PDE11A: variants seen among roughly 807,000 people sequenced by gnomAD.
The protein encoded by PDE11A is dual 3',5'-cyclic-AMP and -GMP phosphodiesterase 11A.
Under a neutral mutation model 100.5 loss-of-function variants are expected in PDE11A, and 100 were observed. The observed-to-expected ratio is 1.00, with a 90% CI of 0.85 to 1.18. The LOEUF (loss-of-function observed/expected upper bound fraction) is 1.18, where lower values mean the gene tolerates loss of function less well. PDE11A is among the 50% of genes most tolerant of loss of function. The pLI, the probability that PDE11A is intolerant of heterozygous loss-of-function variation, is 0.00. For missense variants in PDE11A, 1,141 were observed against 1,152.6 expected (o/e 0.99, Z 0.15); for synonymous variants, 381 against 420.8 (o/e 0.91, Z 1.16).
intron 2 of PDE11A, among the ~76,000 whole-genome samples, chr2:177,992,590 G>A (rs2086017707): frequency 6.6e-6 from 1 of 151,948 alleles, no homozygotes; most frequent in Admixed American, 6.6e-5. Flanking sequence ...TATTCCAATG[G>A]TTCTCTTTAT....
At chr2:177,632,182 G>A (rs2079961324) in intron 19 of PDE11A, among the ~76,000 whole-genome samples, 1 of 152,176 alleles carries the variant, frequency 6.6e-6, no homozygotes, top group Non-Finnish European at 1.5e-5. Flanking sequence ...GAGTCAAGAA[G>A]AAAAACCAAG....
intron 4 of PDE11A, among the ~76,000 whole-genome samples, chr2:177,886,943 T>C (rs2084442918): frequency 6.6e-6 from 1 of 152,144 alleles, no homozygotes; most frequent in African/African-American, 2.4e-5. Context: ...CCTGCTGAAC[T>C]CCAAGTCCAG....
chr2:177,938,192 AG>A (rs1206911502), intron 2 of PDE11A, among the ~76,000 whole-genome samples: 1 of 152,226 alleles, frequency 6.6e-6, no homozygotes, highest in Non-Finnish European at 1.5e-5. Context: ...TAAGAGACAG[AG>A]TTTAGGGGAC....
intron 6 of PDE11A, among the ~76,000 whole-genome samples, chr2:177,825,145 T>G (rs573629353): frequency 6.6e-6 from 1 of 152,182 alleles, no homozygotes; most frequent in East Asian, 1.9e-4. Context: ...GCAAAAATGG[T>G]CAAGGGAAGA....
At chr2:178,073,016 C>A, upstream of PDE11A, 1 of 985,372 alleles carries the variant, frequency 1.0e-6, no homozygotes, top group Non-Finnish European at 1.2e-6. Flanking sequence ...TCCTTCCCCG[C>A]TTCTTGCTCC....
chr2:177,951,657 A>T (rs2695758), intron 2 of PDE11A, among the ~76,000 whole-genome samples: 4,145 of 152,270 alleles, frequency 0.027, 165 homozygotes, highest in African/African-American at 0.094. Flanking sequence ...AGGGCAATGC[A>T]AGTGGGATAT....
intron 5 of PDE11A, among the ~76,000 whole-genome samples, chr2:177,843,753 G>A (rs376580171): frequency 1.3e-5 from 2 of 152,316 alleles, no homozygotes; most frequent in South Asian, 4.1e-4. Context: ...CTGGGGAGAT[G>A]AGAAATAAAC....
At chr2:178,073,085 G>A, upstream of PDE11A, 1 of 985,320 alleles carries the variant, frequency 1.0e-6, no homozygotes, top group Non-Finnish European at 1.2e-6. Context: ...GTTTCGAGGA[G>A]GCCCAGCGGG....
intron 13 of PDE11A, among the ~76,000 whole-genome samples, chr2:177,705,611 TGTAAATG>T (rs1458503164): frequency 1.3e-5 from 2 of 152,202 alleles, no homozygotes; most frequent in African/African-American, 2.4e-5. Context: ...TGTGTGCAAA[TGTAAATG>T]TACCTTCATA....
chr2:177,674,515 CT>C (rs1263844934), intron 17 of PDE11A, among the ~76,000 whole-genome samples: 2 of 152,194 alleles, frequency 1.3e-5, no homozygotes, highest in Non-Finnish European at 2.9e-5. Context: ...TAATTTCCCC[CT>C]GCTCCCTCTT....
intron 10 of PDE11A, among the ~76,000 whole-genome samples, chr2:177,762,072 G>A (rs561632112): frequency 3.8e-4 from 58 of 152,276 alleles, no homozygotes; most frequent in African/African-American, 1.4e-3. Context: ...AGGAGAATGA[G>A]GATCTGAACT....
chr2:177,970,096 T>C (rs1396720407), intron 2 of PDE11A, among the ~76,000 whole-genome samples: 9 of 152,158 alleles, frequency 5.9e-5, no homozygotes. Flanking sequence ...GTACTGTAAA[T>C]GGCAAAAATT....
chr2:177,904,267 T>G (rs372844542), intron 3 of PDE11A, among the ~76,000 whole-genome samples: 1 of 152,228 alleles, frequency 6.6e-6, no homozygotes, highest in Non-Finnish European at 1.5e-5. Flanking sequence ...AAAAGAGCTC[T>G]CTAAGTGTTT....
intron 9 of PDE11A, among the ~76,000 whole-genome samples, chr2:177,773,287 G>C (rs754483866): frequency 6.6e-6 from 1 of 152,172 alleles, no homozygotes; most frequent in African/African-American, 2.4e-5. Context: ...TTACAGGCAT[G>C]AGCCACTGTG....
chr2:177,639,698 C>T (rs1449058681), intron 19 of PDE11A, among the ~76,000 whole-genome samples: 2 of 152,180 alleles, frequency 1.3e-5, no homozygotes, highest in African/African-American at 4.8e-5. Context: ...TGTTTCTCTG[C>T]CATCGTGGTC....
At chr2:177,931,142 G>A (rs2085200350) in intron 2 of PDE11A, among the ~76,000 whole-genome samples, 1 of 151,036 alleles carries the variant, frequency 6.6e-6, no homozygotes, top group Non-Finnish European at 1.5e-5. Flanking sequence ...GACAACAAGA[G>A]CGAAACTCCG....
At chr2:178,018,466 C>T in intron 1 of PDE11A, 1 of 505,896 alleles carries the variant, frequency 2.0e-6, no homozygotes, top group Non-Finnish European at 3.9e-6. Flanking sequence ...GAAGCTCTGA[C>T]CTTTTAGACT....
chr2:177,782,605 T>C (rs544039933), intron 9 of PDE11A, among the ~76,000 whole-genome samples: 1 of 152,228 alleles, frequency 6.6e-6, no homozygotes, highest in African/African-American at 2.4e-5. Context: ...TTCTTATGTA[T>C]TCTTGTGCTG....
rs149265738 is a variant in PDE11A at position 177,906,577 on chromosome 2, G to T, written c.1072-1390C>A. The stretch of plus-strand genomic sequence containing the variant: ...TTTAAAGAAGATAGAGAAACAATGG[G>T]ATCCGAATTAAGAAGACATACAAAA... On this transcript the variant is annotated intron_variant, in intron 2 of 19. Coordinates refer to ENST00000286063, the MANE Select transcript of PDE11A (RefSeq NM_016953.4). 2.0e-5 allele frequency among the ~76,000 whole-genome samples: 3 copies of T among 152,222 alleles called. No homozygotes were observed. The East Asian group carries it at 5.8e-4, about 29-fold the overall frequency.
Sources: gnomAD v4.1 joint callset for allele counts (sites outside exome capture counted in the v4.1 genomes callset) on GRCh38, gnomAD v4.1.1 for gene constraint, MANE v1.5 for transcripts, NCBI Gene and HGNC (gene_info 2026-07-23, HGNC 2026-07-21) for gene names.